Variants in HMBOX1 observed in about 807,000 individuals in gnomAD.
HMBOX1 encodes the protein homeobox-containing protein 1.
A neutral mutation model predicts 54.5 loss-of-function variants in HMBOX1; 14 were observed. That is an observed-to-expected ratio of 0.26 (90% CI 0.17 to 0.40). The LOEUF (loss-of-function observed/expected upper bound fraction) is 0.40, where lower values mean the gene tolerates loss of function less well. HMBOX1 is among the 10% of genes least tolerant of loss of function. HMBOX1 has a pLI of 1.00. For synonymous variants in HMBOX1, 160 were observed against 181.0 expected (o/e 0.88, Z 0.93); for missense variants, 332 against 514.4 (o/e 0.65, Z 3.43).
chr8:28,927,158 GATAAA>G (rs201176450), intron 1 of HMBOX1, among the ~76,000 whole-genome samples: 3,670 of 152,218 alleles, frequency 0.024, 135 homozygotes, highest in African/African-American at 0.085. Context: ...AAATACAAAG[GATAAA>G]ATGCTTGAGG....
chr8:28,935,560 C>G (rs572465833), intron 1 of HMBOX1, among the ~76,000 whole-genome samples: 1 of 152,090 alleles, frequency 6.6e-6, no homozygotes, highest in Admixed American at 6.5e-5. Flanking sequence ...AGATTATAGT[C>G]CTAAACCTAA....
At chr8:28,938,627 T>C (rs1330037405) in intron 1 of HMBOX1, among the ~76,000 whole-genome samples, 2 of 151,662 alleles carry the variant, frequency 1.3e-5, no homozygotes, top group Non-Finnish European at 2.9e-5. Context: ...TTTTTTTTTT[T>C]GGTAGAGACA....
chr8:28,980,255 ATCTGTC>A, intron 4 of HMBOX1, 99 bp downstream of exon 4: 1 of 880,996 alleles, frequency 1.1e-6, no homozygotes. Context: ...TGCAGTGCAG[ATCTGTC>A]AACTTAGGCA....
intron 1 of HMBOX1, among the ~76,000 whole-genome samples, chr8:28,896,914 A>G (rs1436249931): frequency 6.6e-6 from 1 of 151,502 alleles, no homozygotes; most frequent in Non-Finnish European, 1.5e-5. Flanking sequence ...TATTTTTTAG[A>G]TGAACCTGAC....
intron 1 of HMBOX1, among the ~76,000 whole-genome samples, chr8:28,956,118 G>A (rs1824387106): frequency 6.6e-6 from 1 of 152,186 alleles, no homozygotes; most frequent in East Asian, 1.9e-4. Context: ...CTTTCCAAAT[G>A]ATGTCATAAT....
chr8:28,949,072 T>C (rs1248417884), intron 1 of HMBOX1, among the ~76,000 whole-genome samples: 1 of 152,238 alleles, frequency 6.6e-6, no homozygotes, highest in Non-Finnish European at 1.5e-5. Context: ...ATGAAAATAT[T>C]CCCGATGTAT....
intron 4 of HMBOX1, among the ~76,000 whole-genome samples, chr8:29,007,770 T>C (rs1023319976): frequency 1.3e-5 from 2 of 152,132 alleles, no homozygotes; most frequent in East Asian, 1.9e-4. Context: ...ATTGCGCCAC[T>C]GCACTCCAGC....
intron 1 of HMBOX1, among the ~76,000 whole-genome samples, chr8:28,901,526 A>T (rs1813227787): frequency 6.6e-6 from 1 of 151,730 alleles, no homozygotes; most frequent in African/African-American, 2.4e-5. Flanking sequence ...CTTTTCCTTT[A>T]TTGTCTATAG....
intron 8 of HMBOX1, among the ~76,000 whole-genome samples, chr8:29,048,163 T>A (rs1805879842): frequency 6.6e-6 from 1 of 152,158 alleles, no homozygotes; most frequent in Non-Finnish European, 1.5e-5. Context: ...GATTAATGGT[T>A]TGGAATGAAA....
intron 1 of HMBOX1, among the ~76,000 whole-genome samples, chr8:28,909,853 T>G (rs908749961): frequency 7.6e-5 from 11 of 144,738 alleles, no homozygotes; most frequent in African/African-American, 2.7e-4. Context: ...ATTTTAGAAC[T>G]TTTTTTTTTT....
At chr8:28,987,300 A>G (rs920837811) in intron 4 of HMBOX1, among the ~76,000 whole-genome samples, 51 of 152,290 alleles carry the variant, frequency 3.3e-4, no homozygotes, top group African/African-American at 1.2e-3. Context: ...CTTAGATACA[A>G]TGTTTCTTTG....
chr8:29,031,729 G>A (rs1244002513), intron 6 of HMBOX1, among the ~76,000 whole-genome samples: 6 of 152,140 alleles, frequency 3.9e-5, no homozygotes, highest in Admixed American at 2.0e-4. Context: ...TTCTAATAGT[G>A]TTGCTCCTCA....
chr8:29,036,288 A>AT (rs1050145854), intron 6 of HMBOX1, among the ~76,000 whole-genome samples: 3 of 151,948 alleles, frequency 2.0e-5, no homozygotes, highest in Admixed American at 6.6e-5. Flanking sequence ...TCATGTATGG[A>AT]TTTTTTTTCT....
intron 4 of HMBOX1, among the ~76,000 whole-genome samples, chr8:28,981,308 G>T (rs993468506): frequency 6.6e-6 from 1 of 152,114 alleles, no homozygotes; most frequent in African/African-American, 2.4e-5. Flanking sequence ...GTGTCCTTCG[G>T]TGTAGAAGTC....
At chr8:28,980,908 C>T (rs10094052) in intron 4 of HMBOX1, among the ~76,000 whole-genome samples, 4,769 of 152,192 alleles carry the variant, frequency 0.031, 239 homozygotes, top group African/African-American at 0.11. Context: ...TTGTACTTTG[C>T]ATATTGATAG....
intron 1 of HMBOX1, among the ~76,000 whole-genome samples, chr8:28,959,464 A>G (rs1016738848): frequency 3.9e-5 from 6 of 152,188 alleles, no homozygotes; most frequent in Non-Finnish European, 5.9e-5. Flanking sequence ...TTTCCACGTA[A>G]TATTCTCGGA....
rs142301246 is a variant in HMBOX1, at chr8:28,907,415, T to G, written c.-58+16737T>G. Among the ~76,000 whole-genome samples, 6 of 152,368 alleles carry G rather than the reference T, an allele frequency of 3.9e-5. No individual in the cohort carries two copies. In the East Asian group the frequency reaches 1.2e-3, roughly 29 times the overall value. On this transcript the variant is annotated intron_variant, in intron 1 of 9. Transcript: ENST00000287701. The stretch of plus-strand genomic sequence containing the variant: ...GTGGCTGAAACATTTTAGTTCATTG[T>G]GCTCAAATACTGCTAATTTGTGTTG...
intron 4 of HMBOX1, among the ~76,000 whole-genome samples, chr8:28,981,686 G>T (rs1175588663): frequency 6.6e-6 from 1 of 151,774 alleles, no homozygotes; most frequent in Non-Finnish European, 1.5e-5. Flanking sequence ...AATCATTTAG[G>T]ACTTTTAAAA....
chr8:29,044,794 C>T (rs1428725082), intron 6 of HMBOX1, among the ~76,000 whole-genome samples: 2 of 151,192 alleles, frequency 1.3e-5, no homozygotes, highest in Non-Finnish European at 2.9e-5. Flanking sequence ...GTGGACAGAA[C>T]TCTAACTTAT....
Sources: allele counts gnomAD v4.1 joint callset (sites outside exome capture counted in the v4.1 genomes callset), GRCh38; gene constraint gnomAD v4.1.1; transcripts MANE v1.5; gene names NCBI Gene and HGNC (gene_info 2026-07-23, HGNC 2026-07-21).